The following HIPK1 variants were observed in gnomAD, a reference collection of about 807,000 sequenced individuals.
HIPK1 encodes the protein homeodomain interacting protein kinase 1, also known as homeodomain-interacting protein kinase 1.
A neutral mutation model predicts 117.1 loss-of-function variants in HIPK1; 28 were observed. That is an observed-to-expected ratio of 0.24 (90% CI 0.18 to 0.33). HIPK1 has a LOEUF of 0.33. Among genes scored for constraint, HIPK1 ranks in the 10% least tolerant of loss-of-function variants. The pLI, the probability that HIPK1 is intolerant of heterozygous loss-of-function variation, is 1.00. For missense variants in HIPK1, 1,122 were observed against 1,475.1 expected (o/e 0.76, Z 3.92); for synonymous variants, 605 against 562.5 (o/e 1.08, Z -1.07).
intron 1 of HIPK1, chr1:113,929,735 G>A: frequency 2.2e-5 from 19 of 864,236 alleles, no homozygotes; most frequent in Non-Finnish European, 2.7e-5. Context: ...GCGGCGGGAA[G>A]GGGCTGGGTG....
At chr1:113,972,000 G>C in intron 15 of HIPK1, 46 bp downstream of exon 15, 1 of 1,612,942 alleles carries the variant, frequency 6.2e-7, no homozygotes, top group Non-Finnish European at 8.5e-7. Context: ...CTGCACTGTT[G>C]TTACTTTCTG....
rs1571696538 is a variant in HIPK1, at chr1:113,955,659, G to T, written c.1407+10G>T. On this transcript the variant is annotated intron_variant, in intron 5 of 15. Coordinates refer to ENST00000426820, the MANE Select transcript of HIPK1 (RefSeq NM_198268.3). ...AGATGACATGGCTCAGGTGAGTACG[G>T]AAAGTTTCAGAAAGTCAGACATTTA... 1 of 1,408,870 alleles carries T rather than the reference G, an allele frequency of 7.1e-7. No homozygotes were observed. The highest frequency in any genetic ancestry group is 9.9e-7 in the Non-Finnish European group (1 of 1,005,974). The allele number at this position is 1,408,870 out of a possible 1,614,324, so 87.3% of individuals were successfully genotyped here. A position where few individuals can be genotyped will look rare whatever the true frequency, so the allele number is the denominator to read the frequency against.
rs1027658434 is a variant in HIPK1 at position 113,963,369 on chromosome 1, G to A, written c.2104-18G>A. ...GCCTCCGTGTTTGTTTCACTCACCTGCCTAATCTACGTTTCAGGGAAGCTG... is the reference window on the plus strand; with the variant it reads ...GCCTCCGTGTTTGTTTCACTCACCTACCTAATCTACGTTTCAGGGAAGCTG... On this transcript the variant is annotated intron_variant, in intron 9 of 15. Transcript: ENST00000426820. 2 of 1,612,090 alleles carry A rather than the reference G, an allele frequency of 1.2e-6. No individual in the cohort carries two copies. Among genetic ancestry groups the A allele is most frequent in the Admixed American group, 3.4e-5 (2 of 59,406 alleles).
At chr1:113,961,257 A>G (rs1672084145) in intron 8 of HIPK1, among the ~76,000 whole-genome samples, 1 of 152,224 alleles carries the variant, frequency 6.6e-6, no homozygotes. Flanking sequence ...GGTTATTGTT[A>G]TAAAGGCACT....
In HIPK1 at chr1:113,958,283, C is replaced by T. The variant is rs773191154; in HGVS notation, c.1973C>T (p.Ala658Val). 32 of 1,610,650 alleles carry T rather than the reference C, an allele frequency of 2.0e-5. No homozygotes were observed. The highest frequency in any genetic ancestry group is 2.2e-5 in the East Asian group (1 of 44,874). Residue 658 changes from alanine to valine, a missense_variant, in exon 8 of 16, where the codon GCG (alanine) becomes GTG (valine). This residue lies in a region of HIPK1 where 731 missense variants were observed against 860.4 expected (regional missense o/e 0.85). Transcript: ENST00000426820. Reference protein sequence around the residue: ...FQQTFIVCPPAFQTGLQATTK... With the variant: ...FQQTFIVCPPVFQTGLQATTK... Reference sequence around the variant, plus strand: ...CAGACATTTATAGTATGTCCACCTGCGTTTCAAAGTAAGTGGGGAAACTCC... The same window carrying T: ...CAGACATTTATAGTATGTCCACCTGTGTTTCAAAGTAAGTGGGGAAACTCC...
chr1:113,933,128 C>T (rs1670008927), intron 1 of HIPK1: 2 of 968,266 alleles, frequency 2.1e-6, no homozygotes, highest in South Asian at 4.8e-5. Flanking sequence ...TTCTTTTGTT[C>T]TGTTGCCGTA....
Position 113,952,298 on chromosome 1 carries a change from T to TA in HIPK1, c.1077-460dup, listed in dbSNP as rs540619148. ...ATTGAAATGGTGCTAGGAATAATAA[T>TA]AAAAAAAATCTATTATCCCTTATCT... is the stretch of plus-strand genomic sequence containing the variant. On this transcript the variant is annotated intron_variant, in intron 2 of 15. Coordinates refer to ENST00000426820, the MANE Select transcript of HIPK1 (RefSeq NM_198268.3). Among the ~76,000 whole-genome samples, 107 of 151,928 alleles carry TA rather than the reference T, an allele frequency of 7.0e-4. 1 individual carries two copies. Among genetic ancestry groups the TA allele is most frequent in the African/African-American group, 2.5e-3 (104 of 41,402 alleles).
chr1:113,938,573 A>G (rs1405238776), intron 1 of HIPK1, among the ~76,000 whole-genome samples: 1 of 152,238 alleles, frequency 6.6e-6, no homozygotes, highest in East Asian at 1.9e-4. Flanking sequence ...AGTTTGAACT[A>G]GAATGGTGCC....
At chr1:113,935,004 A>C (rs1670160951) in intron 1 of HIPK1, among the ~76,000 whole-genome samples, 1 of 149,014 alleles carries the variant, frequency 6.7e-6, no homozygotes, top group Non-Finnish European at 1.5e-5. Context: ...AAAAAAAAAA[A>C]AAAAGAATCA....
At chr1:113,962,834 T>C (rs937479451) in intron 9 of HIPK1, among the ~76,000 whole-genome samples, 2 of 152,186 alleles carry the variant, frequency 1.3e-5, no homozygotes, top group Non-Finnish European at 2.9e-5. Context: ...TCCCTTTTGC[T>C]CACTCTTTTA....
At position 113,939,355 on chromosome 1, in the gene HIPK1, GT is replaced by G. The variant is rs879707305; in HGVS notation, c.-2-1024del. ...TTTTTTTTTTTTTGTTGTTGTTGTTGTTTGTTTGTTTTAGAGACGGTTTCAC... is the reference window on the plus strand; with the variant it reads ...TTTTTTTTTTTTTGTTGTTGTTGTTGTTGTTTGTTTTAGAGACGGTTTCAC... On this transcript the variant is annotated intron_variant, in intron 1 of 15. Transcript: ENST00000426820. Among the ~76,000 whole-genome samples the G allele has an allele frequency of 3.8e-3, 556 of 148,028 alleles. 2 individuals carry two copies. The highest frequency in any genetic ancestry group is 6.9e-3 in the Non-Finnish European group (462 of 66,802).
rs996213675 is a variant in HIPK1, at chr1:113,976,146, G to A, written c.*2634G>A. ...GTAAGGAGTAAGGGCTTCCAAGATG[G>A]GGCAGGTAGTCCGTACAGCCTACCA... On this transcript the variant is annotated 3_prime_UTR_variant, in exon 16 of 16. Coordinates refer to ENST00000426820, the MANE Select transcript of HIPK1 (RefSeq NM_198268.3). 1 of 152,692 alleles carries A rather than the reference G, an allele frequency of 6.5e-6. No homozygotes were observed. Among genetic ancestry groups the A allele is most frequent in the Non-Finnish European group, 1.5e-5 (1 of 68,038 alleles). The allele number at this position is 152,692 out of a possible 1,614,324, so 9.5% of individuals were successfully genotyped here. A position where few individuals can be genotyped will look rare whatever the true frequency, so the allele number is the denominator to read the frequency against.
In HIPK1 at chr1:113,957,285, AG is replaced by A; in HGVS notation, c.1755+1del. On this transcript the variant is annotated frameshift_variant and splice_region_variant, in exon 7 of 16. Transcript: ENST00000426820. LOFTEE classifies it high-confidence loss of function. ...FSNQLNTVHNQASVLASSSTA... is the reference protein window; with the variant it reads ...FSNQLNTVHNXASVLASSSTA... ...AATCAGCTCAATACAGTGCACAATC[AG>A]GTATTCAATAAATAATTTTGGAAAC... 1 of 1,606,538 alleles carries A rather than the reference AG, an allele frequency of 6.2e-7. No homozygotes were observed. Among genetic ancestry groups the A allele is most frequent in the East Asian group, 2.2e-5 (1 of 44,790 alleles).
At chr1:113,972,527 A>G (rs1672906941) in intron 15 of HIPK1, among the ~76,000 whole-genome samples, 1 of 152,230 alleles carries the variant, frequency 6.6e-6, no homozygotes, top group Non-Finnish European at 1.5e-5. Context: ...GATGTCCACC[A>G]GTAGTGAGAA....
chr1:113,959,988 C>T (rs1035086966), intron 8 of HIPK1, among the ~76,000 whole-genome samples: 1 of 152,152 alleles, frequency 6.6e-6, no homozygotes, highest in Non-Finnish European at 1.5e-5. Flanking sequence ...CTAATTATTG[C>T]AGAACCATGA....
intron 2 of HIPK1, among the ~76,000 whole-genome samples, chr1:113,943,035 A>C (rs1489316185): frequency 1.3e-5 from 2 of 152,240 alleles, no homozygotes; most frequent in East Asian, 3.8e-4. Flanking sequence ...ATTTTAACCC[A>C]TACAAGGACT....
rs1327118866 is a variant in HIPK1 at position 113,974,665 on chromosome 1, A to ATAAG, written c.*1155_*1158dup. Reference sequence around the variant, plus strand: ...ATGCTCTCTTATTAAGACTTATATAATAAGTGCATGTAGGAATTGCAAAAA... The same window carrying ATAAG: ...ATGCTCTCTTATTAAGACTTATATAATAAGTAAGTGCATGTAGGAATTGCAAAAA... On this transcript the variant is annotated 3_prime_UTR_variant, in exon 16 of 16. Coordinates refer to ENST00000426820, the MANE Select transcript of HIPK1 (RefSeq NM_198268.3). 1.3e-5 allele frequency: 2 copies of ATAAG among 152,780 alleles called. No homozygotes were observed. Among genetic ancestry groups the ATAAG allele is most frequent in the Non-Finnish European group, 2.9e-5 (2 of 68,040 alleles). 9.5% of individuals were successfully genotyped at this position (152,780 alleles called of 1,614,324 possible). A position where few individuals can be genotyped will look rare whatever the true frequency, so the allele number is the denominator to read the frequency against.
At position 113,962,430 on chromosome 1, in the gene HIPK1, C is replaced by T; in HGVS notation, c.2095C>T (p.Leu699Phe). The T allele has an allele frequency of 6.2e-7, 1 of 1,613,388 alleles. No homozygotes were observed. The highest frequency in any genetic ancestry group is 1.1e-5 in the South Asian group (1 of 91,014). The change falls in exon 9 of 16, where the codon CTC becomes TTC. Residue 699 changes from leucine to phenylalanine, a missense_variant. Physicochemically the swap from Leu to Phe is conservative, Grantham distance 22. Around this residue, in one of 6 missense-constraint regions of HIPK1, gnomAD observed 731 missense variants for 860.4 expected, o/e 0.85. Transcript: ENST00000426820. ...GCCACTACAGATTCAGTCAGGAGTTCTCACGCAGGTAAAAGCTAGAGCAAT... is the reference window on the plus strand; with the variant it reads ...GCCACTACAGATTCAGTCAGGAGTTTTCACGCAGGTAAAAGCTAGAGCAAT... ...AQPLQIQSGV[L>F]TQGSCTPLMV...
At chr1:113,968,265 T>C (rs1349431266) in intron 12 of HIPK1, among the ~76,000 whole-genome samples, 177 bp from the exon 13 acceptor site, 1 of 152,242 alleles carries the variant, frequency 6.6e-6, no homozygotes, top group Non-Finnish European at 1.5e-5. Flanking sequence ...TTCTTGTCCC[T>C]GGAAACTCTT....
Sources: gnomAD v4.1 joint callset for allele counts (sites outside exome capture counted in the v4.1 genomes callset) on GRCh38, gnomAD v4.1.1 for gene constraint, gnomAD v4.1.1 regional missense constraint, MANE v1.5 for transcripts, NCBI Gene and HGNC (gene_info 2026-07-23, HGNC 2026-07-21) for gene names.